CAMK4: variants seen among roughly 807,000 people sequenced by gnomAD.
CAMK4 encodes the protein calcium/calmodulin-dependent protein kinase type IV.
CAMK4 carries 22 observed loss-of-function variants against 44.9 expected under a neutral mutation model. The observed-to-expected ratio is 0.49, with a 90% confidence interval of 0.35 to 0.70. The LOEUF is 0.70. Ranked by LOEUF, CAMK4 falls within the 30% of genes least tolerant of loss-of-function variation. The probability of loss-of-function intolerance (pLI) is 0.01; values close to 1 mark genes in which losing one functional copy is unlikely to be tolerated. For synonymous variants in CAMK4, 218 were observed against 215.4 expected (o/e 1.01, Z -0.11); for missense variants, 498 against 586.8 (o/e 0.85, Z 1.56).
intron 1 of CAMK4, among the ~76,000 whole-genome samples, chr5:111,317,651 T>C (rs1748481025): frequency 1.3e-5 from 2 of 152,080 alleles, no homozygotes; most frequent in African/African-American, 4.8e-5. Flanking sequence ...CATTTGTAGA[T>C]GAGTAATCTG....
intron 5 of CAMK4, among the ~76,000 whole-genome samples, chr5:111,414,250 G>GA (rs1270751713): frequency 6.6e-6 from 1 of 152,120 alleles, no homozygotes; most frequent in Admixed American, 6.5e-5. Flanking sequence ...GCTATCCTGA[G>GA]AAAAAAATTT....
chr5:111,225,453 CCTTA>C (rs1748142020), intron 1 of CAMK4, among the ~76,000 whole-genome samples: 1 of 145,258 alleles, frequency 6.9e-6, no homozygotes, highest in Non-Finnish European at 1.6e-5. Flanking sequence ...GTTTTCTTTC[CCTTA>C]CTTCCTTTTT....
chr5:111,458,451 T>G (rs1754498047), intron 7 of CAMK4, among the ~76,000 whole-genome samples: 1 of 152,212 alleles, frequency 6.6e-6, no homozygotes, highest in South Asian at 2.1e-4. Context: ...AACAATCAGG[T>G]TTTTTGTCAT....
chr5:111,312,896 T>C (rs777185796), intron 1 of CAMK4, among the ~76,000 whole-genome samples: 15 of 152,140 alleles, frequency 9.9e-5, no homozygotes, highest in Non-Finnish European at 2.2e-4. Context: ...AATGCGGCCC[T>C]CCTTTTTTGT....
intron 1 of CAMK4, among the ~76,000 whole-genome samples, chr5:111,293,430 C>A (rs1747355471): frequency 6.6e-6 from 1 of 151,344 alleles, no homozygotes. Context: ...TGGCGGTGGT[C>A]TACTTTTTTT....
chr5:111,280,188 G>A (rs1750950612), intron 1 of CAMK4, among the ~76,000 whole-genome samples: 1 of 151,756 alleles, frequency 6.6e-6, no homozygotes, highest in Non-Finnish European at 1.5e-5. Context: ...CACAGTAAGA[G>A]GGATTATTTT....
At chr5:111,476,321 C>A (rs1195883755) in intron 8 of CAMK4, among the ~76,000 whole-genome samples, 3 of 150,598 alleles carry the variant, frequency 2.0e-5, no homozygotes, top group African/African-American at 7.4e-5. Context: ...GCTCTGTCTC[C>A]CAGGCTAGAG....
chr5:111,440,037 A>T (rs1173756108), intron 5 of CAMK4, among the ~76,000 whole-genome samples: 1 of 152,198 alleles, frequency 6.6e-6, no homozygotes, highest in African/African-American at 2.4e-5. Context: ...AATAGGAAAT[A>T]ATTGAGTATA....
Position 111,484,579 on chromosome 5 carries a change from A to G in CAMK4, c.*113A>G. ...TATAGTGATTCTGTTTTTGAGGTGC[A>G]AAAAACATACATATATACCAGTTGG... On this transcript the variant is annotated 3_prime_UTR_variant, in exon 11 of 11. Transcript: ENST00000282356. This position sits in a 1 kb window ranked among gnomAD's most constrained non-coding sequence, Gnocchi z 5.3. The G allele has an allele frequency of 1.7e-6, 1 of 592,010 alleles. No individual in the cohort carries two copies. Among genetic ancestry groups the G allele is most frequent in the Non-Finnish European group, 2.7e-6 (1 of 376,428 alleles). The allele number at this position is 592,010 out of a possible 1,614,324, so 36.7% of individuals were successfully genotyped here. A position where few individuals can be genotyped will look rare whatever the true frequency, so the allele number is the denominator to read the frequency against.
At chr5:111,418,475 G>A (rs1752895244) in intron 5 of CAMK4, among the ~76,000 whole-genome samples, 1 of 151,844 alleles carries the variant, frequency 6.6e-6, no homozygotes, top group African/African-American at 2.4e-5. Context: ...AAGTTTTAGG[G>A]TACATGTGCA....
chr5:111,238,624 C>T (rs1290154324), intron 1 of CAMK4, among the ~76,000 whole-genome samples: 1 of 151,064 alleles, frequency 6.6e-6, no homozygotes, highest in Non-Finnish European at 1.5e-5. Flanking sequence ...CAGCCCTGTA[C>T]CCTTTTCCCC....
At chr5:111,350,423 G>T (rs1400103815) in intron 2 of CAMK4, among the ~76,000 whole-genome samples, 1 of 151,906 alleles carries the variant, frequency 6.6e-6, no homozygotes, top group Non-Finnish European at 1.5e-5. Flanking sequence ...GAGTACTTTT[G>T]AAATTACTGC....
chr5:111,346,590 T>G (rs1364710331), intron 2 of CAMK4, among the ~76,000 whole-genome samples: 1 of 151,806 alleles, frequency 6.6e-6, no homozygotes, highest in African/African-American at 2.4e-5. Flanking sequence ...CTAGATGACT[T>G]AAAAGAATAT....
intron 5 of CAMK4, among the ~76,000 whole-genome samples, chr5:111,405,602 G>C (rs899465161): frequency 6.6e-6 from 1 of 152,108 alleles, no homozygotes; most frequent in Non-Finnish European, 1.5e-5. Context: ...ACAAACTCTG[G>C]TCTTTAGTTA....
At chr5:111,310,528 G>A (rs556767732) in intron 1 of CAMK4, among the ~76,000 whole-genome samples, 3 of 152,212 alleles carry the variant, frequency 2.0e-5, no homozygotes, top group East Asian at 1.9e-4. Flanking sequence ...AGAAGATGTC[G>A]CTTTAGGACT....
intron 1 of CAMK4, among the ~76,000 whole-genome samples, chr5:111,300,250 T>C (rs1270394751): frequency 6.6e-6 from 1 of 152,234 alleles, no homozygotes; most frequent in Non-Finnish European, 1.5e-5. Flanking sequence ...TTATTACCAT[T>C]AATGAAACTG....
chr5:111,346,786 T>TA (rs2112760669), intron 2 of CAMK4, among the ~76,000 whole-genome samples: 1 of 151,736 alleles, frequency 6.6e-6, no homozygotes, highest in African/African-American at 2.4e-5. Context: ...CTCCAATTGT[T>TA]ACTAAACCAA....
chr5:111,276,314 C>T (rs933089925), intron 1 of CAMK4, among the ~76,000 whole-genome samples: 1 of 152,284 alleles, frequency 6.6e-6, no homozygotes, highest in South Asian at 2.1e-4. Context: ...AGCCTGTGGG[C>T]CACCTCTACT....
chr5:111,443,307 C>CT (rs1561491372), intron 5 of CAMK4, among the ~76,000 whole-genome samples: 39 of 132,834 alleles, frequency 2.9e-4, no homozygotes, highest in African/African-American at 1.0e-3. Flanking sequence ...CACACACACA[C>CT]ACACACACTA....
Sources: gnomAD v4.1 joint callset for allele counts (sites outside exome capture counted in the v4.1 genomes callset) on GRCh38, gnomAD v4.1.1 for gene constraint, Gnocchi (gnomAD v3.1) non-coding constraint, MANE v1.5 for transcripts, NCBI Gene and HGNC (gene_info 2026-07-23, HGNC 2026-07-21) for gene names.